Variants in SMOC1 observed in about 807,000 individuals in gnomAD.
SMOC1 encodes the protein SPARC related modular calcium binding 1, also known as SPARC-related modular calcium-binding protein 1.
A neutral mutation model predicts 56.3 loss-of-function variants in SMOC1; 22 were observed. The observed-to-expected ratio is 0.39, with a 90% CI of 0.28 to 0.56. The LOEUF is 0.56. Ranked by LOEUF, SMOC1 falls within the 20% of genes least tolerant of loss-of-function variation. The pLI is 0.61. For synonymous variants in SMOC1, 193 were observed against 215.0 expected, an observed-to-expected ratio of 0.90 and a Z score of 0.89; for missense variants, 509 against 565.4, an observed-to-expected ratio of 0.90 and a Z score of 1.01.
rs199596050 is a variant in SMOC1 at position 69,953,523 on chromosome 14, C to T, written c.369C>T (p.Ser123=). The part of the protein sequence containing the change: ...VFVPECGEDG[S]FTQVQCHTYT... The stretch of plus-strand genomic sequence containing the variant: ...TCCCAGAGTGTGGCGAGGATGGCTC[C>T]TTTACCCAGGTGAGGCCTCGGACAA... The change falls in exon 3 of 12, where the codon TCC becomes TCT. Residue 123 remains serine (S), a synonymous_variant. Transcript: ENST00000361956. 2.8e-5 allele frequency: 45 copies of T among 1,614,108 alleles called. No individual in the cohort carries two copies. The Admixed American group carries it at 3.8e-4, about 14-fold the overall frequency.
intron 1 of SMOC1, among the ~76,000 whole-genome samples, chr14:69,898,464 GTT>G (rs199641037): frequency 6.8e-6 from 1 of 146,708 alleles, no homozygotes; most frequent in Non-Finnish European, 1.5e-5. Context: ...ATTCAATTCT[GTT>G]TTTTTTTTCC....
At chr14:69,925,696 C>A (rs1208118132) in intron 1 of SMOC1, among the ~76,000 whole-genome samples, 3 of 152,190 alleles carry the variant, frequency 2.0e-5, no homozygotes. Flanking sequence ...GGCTGAAAGA[C>A]TGAACACTGG....
chr14:69,964,754 A>G (rs575792419), intron 3 of SMOC1, among the ~76,000 whole-genome samples: 1 of 152,294 alleles, frequency 6.6e-6, no homozygotes, highest in African/African-American at 2.4e-5. Context: ...TGCCTGACAC[A>G]TGTTAAGTTA....
Position 69,908,415 on chromosome 14 carries a change from G to A in SMOC1, c.99+28638G>A, listed in dbSNP as rs181069712. Among the ~76,000 whole-genome samples the A allele has an allele frequency of 3.0e-3, 457 of 152,284 alleles. 3 individuals carry two copies. The highest frequency in any genetic ancestry group is 0.029 in the South Asian group (139 of 4,822). On this transcript the variant is annotated intron_variant, in intron 1 of 11. Transcript: ENST00000361956. ...AATATTGCACAGTTACCTGTATGCA[G>A]GTAAGTGAGCCTGTGGGTGGCCCTT...
intron 7 of SMOC1, among the ~76,000 whole-genome samples, chr14:69,995,390 G>A (rs1260116529): frequency 2.0e-5 from 3 of 152,190 alleles, no homozygotes; most frequent in African/African-American, 4.8e-5. Flanking sequence ...GAATTCACAC[G>A]CCATCAGTTG....
chr14:69,898,940 G>T (rs141270441), intron 1 of SMOC1, among the ~76,000 whole-genome samples: 6 of 152,006 alleles, frequency 3.9e-5, no homozygotes, highest in African/African-American at 7.3e-5. Flanking sequence ...GGTAAGATGT[G>T]GGGGGAGGAG....
At chr14:70,004,475 C>T (rs1013555707) in intron 7 of SMOC1, among the ~76,000 whole-genome samples, 6 of 152,202 alleles carry the variant, frequency 3.9e-5, no homozygotes, top group Non-Finnish European at 8.8e-5. Flanking sequence ...GGCTTAAGAG[C>T]AAAGACTGAG....
At chr14:69,909,287 T>C (rs1329248905) in intron 1 of SMOC1, among the ~76,000 whole-genome samples, 1 of 152,246 alleles carries the variant, frequency 6.6e-6, no homozygotes, top group Non-Finnish European at 1.5e-5. Context: ...ATATGCTTTG[T>C]TATTTTACTT....
rs1229308961 is a variant in SMOC1, at chr14:70,030,256, TAAGGAGCAG to T, written c.*1_*9del. On this transcript the variant is annotated stop_retained_variant and 3_prime_UTR_variant, in exon 12 of 12. Transcript: ENST00000361956. ...CCTTCTCTCAGTAGGACGCCTCGTCTAAGGAGCAGAAAACCCAAGGGCAGGTGGAGAGTC... is the reference window on the plus strand; with the variant it reads ...CCTTCTCTCAGTAGGACGCCTCGTCTAAAACCCAAGGGCAGGTGGAGAGTC... The T allele has an allele frequency of 1.2e-6, 2 of 1,610,734 alleles. No homozygotes were observed. The highest frequency in any genetic ancestry group is 1.7e-5 in the Admixed American group (1 of 59,728).
At chr14:69,969,361 T>C (rs563681582) in intron 3 of SMOC1, among the ~76,000 whole-genome samples, 3 of 152,258 alleles carry the variant, frequency 2.0e-5, no homozygotes, top group African/African-American at 7.2e-5. Context: ...TGCTGGCATC[T>C]ACTCCGCTTC....
intron 5 of SMOC1, among the ~76,000 whole-genome samples, chr14:69,983,727 C>T (rs1207893778): frequency 6.6e-6 from 1 of 152,228 alleles, no homozygotes; most frequent in Non-Finnish European, 1.5e-5. Context: ...CAGAGCTTGT[C>T]AGGCCAATGA....
intron 1 of SMOC1, among the ~76,000 whole-genome samples, chr14:69,913,588 C>G (rs1884611780): frequency 6.6e-6 from 1 of 152,098 alleles, no homozygotes; most frequent in Non-Finnish European, 1.5e-5. Flanking sequence ...GTAAATCTGA[C>G]CAACCTACTT....
intron 11 of SMOC1, 111 bp downstream of exon 11, chr14:70,023,558 A>G (rs150536037): frequency 6.8e-7 from 1 of 1,475,348 alleles, no homozygotes; most frequent in South Asian, 1.1e-5. Context: ...TTCATCAATT[A>G]TTTGCTGGAA....
intron 1 of SMOC1, among the ~76,000 whole-genome samples, chr14:69,948,352 G>C (rs1396737275): frequency 6.6e-6 from 1 of 152,158 alleles, no homozygotes; most frequent in Non-Finnish European, 1.5e-5. Context: ...TTTGGCCTTA[G>C]GGACCAGTAA....
At chr14:70,019,832 G>T (rs1202013011) in intron 10 of SMOC1, among the ~76,000 whole-genome samples, 3 of 152,182 alleles carry the variant, frequency 2.0e-5, no homozygotes, top group East Asian at 1.9e-4. Flanking sequence ...CTTTTGCACA[G>T]ACTTACTGCT....
At chr14:69,933,068 A>C (rs1442256998) in intron 1 of SMOC1, among the ~76,000 whole-genome samples, 1 of 152,166 alleles carries the variant, frequency 6.6e-6, no homozygotes, top group East Asian at 1.9e-4. Context: ...GTGCAGAGCA[A>C]AAGTTTAAAC....
chr14:69,899,628 C>T (rs192186934), intron 1 of SMOC1, among the ~76,000 whole-genome samples: 53 of 152,282 alleles, frequency 3.5e-4, no homozygotes, highest in East Asian at 2.5e-3. Flanking sequence ...AATGTGAGAA[C>T]GGACTAATAC....
intron 5 of SMOC1, among the ~76,000 whole-genome samples, chr14:69,981,231 G>A (rs937433805): frequency 1.3e-5 from 2 of 151,018 alleles, no homozygotes; most frequent in Admixed American, 6.6e-5. Flanking sequence ...GTGGGGGAAG[G>A]AGGGGGAGAC....
intron 1 of SMOC1, among the ~76,000 whole-genome samples, chr14:69,892,521 A>AT (rs933414221): frequency 1.6e-4 from 24 of 151,928 alleles, no homozygotes; most frequent in East Asian, 1.9e-4. Flanking sequence ...TAGTCATTAA[A>AT]TTTTTTTTTG....
Sources: gnomAD v4.1 joint callset for allele counts (sites outside exome capture counted in the v4.1 genomes callset) on GRCh38, gnomAD v4.1.1 for gene constraint, MANE v1.5 for transcripts, NCBI Gene and HGNC (gene_info 2026-07-23, HGNC 2026-07-21) for gene names.